CNTN4: variants seen among roughly 807,000 people sequenced by gnomAD.
The protein encoded by CNTN4 is contactin-4.
A neutral mutation model predicts 122.5 loss-of-function variants in CNTN4; 77 were observed. The observed-to-expected ratio is 0.63, with a 90% CI of 0.52 to 0.76. CNTN4 has a LOEUF of 0.76. Among genes scored for constraint, CNTN4 ranks in the 30% least tolerant of loss-of-function variants. The pLI, the probability that CNTN4 is intolerant of heterozygous loss-of-function variation, is 0.00. For synonymous variants in CNTN4, 512 were observed against 447.0 expected (o/e 1.15, Z -1.83); for missense variants, 1,256 against 1,259.1 (o/e 1.00, Z 0.04).
chr3:2,949,851 C>T (rs2094719969), intron 13 of CNTN4, among the ~76,000 whole-genome samples: 1 of 152,166 alleles, frequency 6.6e-6, no homozygotes, highest in African/African-American at 2.4e-5. Context: ...TATAGGCAAA[C>T]AGATAGAACA....
chr3:2,262,503 ATCTC>A (rs2040873963), intron 2 of CNTN4: 1 of 152,132 alleles, frequency 6.6e-6, no homozygotes, highest in African/African-American at 2.4e-5. Flanking sequence ...CTGTCTTATA[ATCTC>A]TCTGTGTCTT....
intron 2 of CNTN4, among the ~76,000 whole-genome samples, chr3:2,312,957 G>GT (rs1482472719): frequency 2.0e-5 from 3 of 151,942 alleles, no homozygotes; most frequent in Non-Finnish European, 4.4e-5. Context: ...GTGAAAATCT[G>GT]TGAGTTAGGA....
In CNTN4 at chr3:3,030,979, C is replaced by T. The variant is rs771010400; in HGVS notation, c.1783+4C>T. The T allele has an allele frequency of 1.9e-6, 3 of 1,613,948 alleles. No individual in the cohort carries two copies. Among genetic ancestry groups the T allele is most frequent in the Non-Finnish European group, 2.5e-6 (3 of 1,179,858 alleles). ...GCTGCAGACCTGATTGTAAGAGGTA[C>T]TGGATTTTGTTGTTATTGTTGTTCT... is the stretch of plus-strand genomic sequence containing the variant. On this transcript the variant is annotated splice_donor_region_variant and intron_variant, in intron 16 of 24. Transcript: ENST00000418658.
rs115474942 is a variant in CNTN4 at position 2,380,077 on chromosome 3, C to T, written c.-89+40844C>T. ...CATCTCAAAAAAAAAAAAAAAAAAT[C>T]ATAGGGTTTTGGTGATAATTTAATT... On this transcript the variant is annotated intron_variant, in intron 3 of 24. Coordinates refer to ENST00000418658, the MANE Select transcript of CNTN4 (RefSeq NM_175607.3). Among the ~76,000 whole-genome samples the T allele has an allele frequency of 9.7e-3, 1,213 of 125,616 alleles. 21 individuals are homozygous for T. The highest frequency in any genetic ancestry group is 0.035 in the African/African-American group (1,152 of 33,190). The allele number at this position is 125,616 out of a possible 152,430, so 82.4% of individuals were successfully genotyped here.
chr3:2,154,882 A>C (rs1444134264), intron 2 of CNTN4, among the ~76,000 whole-genome samples: 1 of 152,212 alleles, frequency 6.6e-6, no homozygotes, highest in Non-Finnish European at 1.5e-5. Context: ...AATCACTAGA[A>C]TCTCTATCTG....
chr3:3,015,312 T>C (rs9848712), intron 14 of CNTN4, among the ~76,000 whole-genome samples: 21,462 of 150,880 alleles, frequency 0.14, 1,825 homozygotes, highest in African/African-American at 0.25. Flanking sequence ...TACAGACAAG[T>C]CCTCAAACAA....
chr3:2,871,424 C>G (rs1325765154), intron 8 of CNTN4, among the ~76,000 whole-genome samples: 3 of 152,156 alleles, frequency 2.0e-5, no homozygotes, highest in African/African-American at 7.2e-5. Flanking sequence ...TGGAATAATA[C>G]TCTCCAAAGT....
chr3:2,394,166 TG>T (rs148773852), intron 3 of CNTN4, among the ~76,000 whole-genome samples: 20,104 of 151,122 alleles, frequency 0.13, 1,636 homozygotes, highest in Middle Eastern at 0.19. Flanking sequence ...AAAAGGAAGT[TG>T]TTTTTTTTTT....
At chr3:2,806,511 C>G (rs912469594) in intron 6 of CNTN4, among the ~76,000 whole-genome samples, 3 of 152,196 alleles carry the variant, frequency 2.0e-5, no homozygotes, top group Non-Finnish European at 4.4e-5. Context: ...CTATCCATCG[C>G]TGACACAGAT....
At position 2,887,063 on chromosome 3, in the gene CNTN4, G is replaced by A. The variant is rs138849515; in HGVS notation, c.779G>A (p.Arg260Gln). Reference sequence around the variant, plus strand: ...AGTCCAGTACCAACTATTATCTGGCGAAGAGCTGATGGAAAGCCAATAGCA... The same window carrying A: ...AGTCCAGTACCAACTATTATCTGGCAAAGAGCTGATGGAAAGCCAATAGCA... ...LGNPVPTIIW[R>Q]RADGKPIARK... Residue 260 changes from arginine (R) to glutamine (Q), a missense_variant, in exon 10 of 25, where the codon CGA becomes CAA. By Grantham distance (43) the Arg-to-Gln change is conservative. Coordinates refer to ENST00000418658, the MANE Select transcript of CNTN4 (RefSeq NM_175607.3). 169 of 1,613,880 alleles carry A rather than the reference G, an allele frequency of 1.0e-4. No homozygotes were observed. The African/African-American group carries it at 1.5e-3, about 14-fold the overall frequency.
intron 4 of CNTN4, among the ~76,000 whole-genome samples, chr3:2,607,609 T>A: frequency 9.5e-5 from 1 of 10,548 alleles, no homozygotes; most frequent in Non-Finnish European, 2.2e-4. Flanking sequence ...TACATATGCA[T>A]CCACACACAC....
At chr3:2,198,667 C>T (rs1211030147) in intron 2 of CNTN4, among the ~76,000 whole-genome samples, 1 of 152,160 alleles carries the variant, frequency 6.6e-6, no homozygotes, top group Non-Finnish European at 1.5e-5. Flanking sequence ...CCTCTCCCTT[C>T]CCCATCATCA....
chr3:2,744,426 G>A (rs1360299514), intron 5 of CNTN4, among the ~76,000 whole-genome samples: 3 of 152,158 alleles, frequency 2.0e-5, no homozygotes, highest in African/African-American at 7.2e-5. Flanking sequence ...AAGGAGATAA[G>A]GTTAATGGCT....
chr3:3,029,574 C>G (rs1451839193), intron 15 of CNTN4, among the ~76,000 whole-genome samples: 2 of 152,186 alleles, frequency 1.3e-5, no homozygotes, highest in African/African-American at 4.8e-5. Flanking sequence ...ATGTGACACT[C>G]TGTACTGAAA....
At chr3:2,359,317 C>T (rs2045014620) in intron 3 of CNTN4, among the ~76,000 whole-genome samples, 1 of 151,918 alleles carries the variant, frequency 6.6e-6, no homozygotes. Context: ...GTATAATGTA[C>T]AACATACATT....
intron 12 of CNTN4, among the ~76,000 whole-genome samples, chr3:2,915,637 C>A (rs987124659): frequency 6.6e-6 from 1 of 152,112 alleles, no homozygotes; most frequent in South Asian, 2.1e-4. Context: ...TGTTACTCAT[C>A]CACTTTACAG....
At chr3:2,811,609 C>A (rs1274767283) in intron 6 of CNTN4, among the ~76,000 whole-genome samples, 1 of 150,598 alleles carries the variant, frequency 6.6e-6, no homozygotes, top group Non-Finnish European at 1.5e-5. Context: ...TACATATGTG[C>A]CCGACCTCCT....
At chr3:2,489,060 C>T (rs6442736) in intron 3 of CNTN4, among the ~76,000 whole-genome samples, 152,174 of 152,290 alleles carry the variant, frequency 1, 76,029 homozygotes, top group East Asian at 1. Flanking sequence ...TTGCAAATTA[C>T]TTTTTTTTCT....
chr3:2,766,924 T>C (rs1164163754), intron 6 of CNTN4, among the ~76,000 whole-genome samples: 1 of 152,042 alleles, frequency 6.6e-6, no homozygotes, highest in African/African-American at 2.4e-5. Flanking sequence ...GTTTGGAAGC[T>C]AAAGGTGGAA....
Sources: allele counts gnomAD v4.1 joint callset (sites outside exome capture counted in the v4.1 genomes callset), GRCh38; gene constraint gnomAD v4.1.1; transcripts MANE v1.5; gene names NCBI Gene and HGNC (gene_info 2026-07-23, HGNC 2026-07-21).